Variants in MRPL43 observed in about 807,000 individuals in gnomAD.
The protein encoded by MRPL43 is mitochondrial ribosomal protein L43.
MRPL43 carries 9 observed loss-of-function variants against 12.7 expected under a neutral mutation model. The ratio of observed to expected loss-of-function variants is 0.71; its 90% CI spans 0.43 to 1.24. The LOEUF (loss-of-function observed/expected upper bound fraction) is 1.24, where lower values mean the gene tolerates loss of function less well. Among genes scored for constraint, MRPL43 ranks in the 50% most tolerant of loss-of-function variants. The pLI is 0.00. For synonymous variants in MRPL43, 116 were observed against 96.4 expected (o/e 1.20, Z -1.19); for missense variants, 211 against 229.2 (o/e 0.92, Z 0.51).
chr10:100,983,355 C>T, downstream of MRPL43: 1 of 1,601,000 alleles, frequency 6.2e-7, no homozygotes, highest in South Asian at 1.1e-5. Flanking sequence ...TGATGATGTC[C>T]TCCTGCCCTG....
chr10:100,979,311 A>G (rs1850940985), downstream of MRPL43: 1 of 1,614,140 alleles, frequency 6.2e-7, no homozygotes, highest in Non-Finnish European at 8.5e-7. Context: ...AACTGCGGAC[A>G]GCATAGGGGC....
downstream of MRPL43, chr10:100,983,365 G>C (rs748889973): frequency 6.2e-7 from 1 of 1,605,768 alleles, no homozygotes; most frequent in Non-Finnish European, 8.5e-7. Flanking sequence ...CTCCTGCCCT[G>C]TGACCAGCCA....
chr10:100,985,360 T>TC (rs1851394245), downstream of MRPL43: 2 of 155,966 alleles, frequency 1.3e-5, no homozygotes, highest in African/African-American at 4.8e-5. Flanking sequence ...CTGACTGAGC[T>TC]CCCCCATTCC....
At chr10:100,980,971 C>T (rs750070570), downstream of MRPL43, 2 of 1,602,368 alleles carry the variant, frequency 1.2e-6, no homozygotes, top group African/African-American at 1.3e-5. Flanking sequence ...CAGCCACCAC[C>T]ATAGCCAACA....
chr10:100,987,172 G>A lies in MRPL43; in HGVS notation c.156C>T (p.Ile52=). ...CCCCTGGATTCCGTCGGGCGAAGTCGATCACCTCCCGCTCCACGAACTCCC... is the reference window on the plus strand; with the variant it reads ...CCCCTGGATTCCGTCGGGCGAAGTCAATCACCTCCCGCTCCACGAACTCCC... The part of the protein sequence containing the change: ...GAREFVEREV[I]DFARRNPGVV... The change falls in exon 2 of 3, where the codon ATC becomes ATT. Residue 52 remains isoleucine, a synonymous_variant. Coordinates refer to ENST00000318364, the MANE Select transcript of MRPL43 (RefSeq NM_032112.3). 6.2e-7 allele frequency: 1 copy of A among 1,613,832 alleles called. No individual in the cohort carries two copies. The highest frequency in any genetic ancestry group is 8.5e-7 in the Non-Finnish European group (1 of 1,180,034).
chr10:100,984,336 G>A (rs947584470), downstream of MRPL43: 183 of 1,442,038 alleles, frequency 1.3e-4, no homozygotes, highest in Admixed American at 2.2e-4. Context: ...GAGCAGCCCA[G>A]GCCCATCGGT....
chr10:100,984,156 C>T (rs769527048), downstream of MRPL43: 1 of 1,581,762 alleles, frequency 6.3e-7, no homozygotes, highest in Non-Finnish European at 8.6e-7. Context: ...AACAAATGCT[C>T]TTCCAAGCCA....
At chr10:100,980,374 T>C (rs770957322), downstream of MRPL43, 16 of 1,591,550 alleles carry the variant, frequency 1.0e-5, no homozygotes, top group African/African-American at 1.3e-5. Flanking sequence ...CTGATCCCTG[T>C]TGGCCCTGAT....
downstream of MRPL43, chr10:100,980,798 C>G (rs1361827719): frequency 6.5e-7 from 1 of 1,547,128 alleles, no homozygotes; most frequent in Non-Finnish European, 8.7e-7. Flanking sequence ...ACGCTGCCGA[C>G]CAACTGTCCT....
downstream of MRPL43, chr10:100,978,307 T>A: frequency 6.2e-7 from 1 of 1,613,098 alleles, no homozygotes; most frequent in Non-Finnish European, 8.5e-7. Flanking sequence ...TGCTGAGGCC[T>A]TCACCTTGCC....
chr10:100,984,445 C>CGAA, downstream of MRPL43: 1 of 1,504,106 alleles, frequency 6.6e-7, no homozygotes, highest in Admixed American at 2.1e-5. Flanking sequence ...AGGACTCCAT[C>CGAA]CTCCTGTTCC....
chr10:100,979,334 C>T, downstream of MRPL43: 3 of 1,613,618 alleles, frequency 1.9e-6, no homozygotes, highest in Non-Finnish European at 2.5e-6. Flanking sequence ...GAGCAGAGGT[C>T]AATGAGGATG....
At chr10:100,979,968 G>A (rs750677818), downstream of MRPL43, 2 of 1,614,076 alleles carry the variant, frequency 1.2e-6, no homozygotes, top group Non-Finnish European at 1.7e-6. Flanking sequence ...ATGAGGGTGG[G>A]GTGCCTGAGC....
chr10:100,983,613 G>A (rs1339881664), downstream of MRPL43: 1 of 1,614,022 alleles, frequency 6.2e-7, no homozygotes, highest in South Asian at 1.1e-5. Flanking sequence ...CACACCTGGG[G>A]CACAGCTGGC....
Position 100,986,922 on chromosome 10 carries a change from A to T in MRPL43, c.292T>A (p.Ser98Thr). Residue 98 changes from serine to threonine, a missense_variant, in exon 3 of 3, where the codon TCG becomes ACG. Ser to Thr is a moderately conservative substitution (Grantham distance 58). Transcript: ENST00000318364. The part of the protein sequence containing the change: ...SIHCKSVEEI[S>T]TLVQKLADQS... Reference sequence around the variant, plus strand: ...TCGGCCAGCTTCTGCACCAGCGTCGAGATCTCCTCGACCGACTTGCAGTGG... The same window carrying T: ...TCGGCCAGCTTCTGCACCAGCGTCGTGATCTCCTCGACCGACTTGCAGTGG... 1 of 1,610,684 alleles carries T rather than the reference A, an allele frequency of 6.2e-7. No homozygotes were observed.
downstream of MRPL43, chr10:100,979,196 G>A (rs376301016): frequency 3.8e-5 from 62 of 1,614,060 alleles, no homozygotes; most frequent in Middle Eastern, 3.3e-4. Context: ...GAGACACTGC[G>A]TGGGGTCTGC....
chr10:100,984,192 T>C, downstream of MRPL43: 2 of 1,539,202 alleles, frequency 1.3e-6, no homozygotes, highest in African/African-American at 2.7e-5. Context: ...GCTGGGCCAC[T>C]GCCTCCCTAA....
chr10:100,986,867 C>G lies in MRPL43; in HGVS notation c.347G>C (p.Arg116Pro), dbSNP rs760191631. Residue 116 changes from arginine (R) to proline (P), a missense_variant, in exon 3 of 3, where the codon CGC becomes CCC. Physicochemically the swap from Arg to Pro is moderately radical, Grantham distance 103. Transcript: ENST00000318364. The part of the protein sequence containing the change: ...DQSGLDVIRI[R>P]KPFHTDNPSI... ...AGGGTTGTCGGTGTGGAAGGGCTTG[C>G]GGATGCGGATCACGTCCAAGCCCGA... 1 of 1,613,534 alleles carries G rather than the reference C, an allele frequency of 6.2e-7. No individual in the cohort carries two copies.
downstream of MRPL43, chr10:100,977,901 C>T: frequency 4.9e-6 from 3 of 611,400 alleles, no homozygotes; most frequent in South Asian, 3.9e-5. Flanking sequence ...AACCATTCCC[C>T]TTTGTAAAAA....
Sources: gnomAD v4.1 joint callset for allele counts on GRCh38, gnomAD v4.1.1 for gene constraint, MANE v1.5 for transcripts, NCBI Gene and HGNC (gene_info 2026-07-23, HGNC 2026-07-21) for gene names.